The following TBC1D5 variants were observed in gnomAD, a reference collection of about 807,000 sequenced individuals.
The protein encoded by TBC1D5 is TBC1 domain family, member 5.
In TBC1D5, 75 loss-of-function variants were observed where a neutral mutation model predicts 100.3. The ratio of observed to expected loss-of-function variants is 0.75; its 90% CI spans 0.62 to 0.91. The LOEUF (loss-of-function observed/expected upper bound fraction) is 0.91. Ranked by LOEUF, TBC1D5 falls within the 40% of genes least tolerant of loss-of-function variation. The pLI, the probability that TBC1D5 is intolerant of heterozygous loss-of-function variation, is 0.00. For synonymous variants in TBC1D5, 323 were observed against 325.6 expected (o/e 0.99, Z 0.09); for missense variants, 910 against 942.4 (o/e 0.97, Z 0.45).
chr3:17,193,948 T>A (rs918332233), intron 18 of TBC1D5, among the ~76,000 whole-genome samples: 1 of 152,312 alleles, frequency 6.6e-6, no homozygotes, highest in East Asian at 1.9e-4. Flanking sequence ...ATGTAGAAAA[T>A]CTCATTCCTT....
intron 3 of TBC1D5, among the ~76,000 whole-genome samples, chr3:17,470,799 G>A (rs1559959075): frequency 6.6e-6 from 1 of 152,094 alleles, no homozygotes; most frequent in African/African-American, 2.4e-5. Context: ...GCGGGCACCT[G>A]TAGTCCCAGC....
intron 2 of TBC1D5, among the ~76,000 whole-genome samples, chr3:17,512,442 T>A (rs936588656): frequency 1.3e-5 from 2 of 152,106 alleles, no homozygotes; most frequent in African/African-American, 4.8e-5. Context: ...CTTAATTTTC[T>A]CTTATATAGA....
chr3:17,708,103 T>C (rs1053674495), intron 1 of TBC1D5, among the ~76,000 whole-genome samples: 3 of 152,210 alleles, frequency 2.0e-5, no homozygotes, highest in Non-Finnish European at 4.4e-5. Flanking sequence ...TTTACCTCCT[T>C]ACTAGCAACC....
chr3:17,670,941 C>T (rs2153783305), intron 1 of TBC1D5, among the ~76,000 whole-genome samples: 1 of 152,314 alleles, frequency 6.6e-6, no homozygotes, highest in African/African-American at 2.4e-5. Flanking sequence ...AGATATCTAG[C>T]AGGTGCTGCA....
chr3:17,350,025 A>T (rs984078381), intron 13 of TBC1D5, among the ~76,000 whole-genome samples: 6 of 152,154 alleles, frequency 3.9e-5, no homozygotes, highest in African/African-American at 1.4e-4. Context: ...ACTTTTATTT[A>T]TTTACTGCAA....
intron 16 of TBC1D5, among the ~76,000 whole-genome samples, chr3:17,238,957 T>C (rs1186078264): frequency 6.6e-6 from 1 of 152,168 alleles, no homozygotes; most frequent in African/African-American, 2.4e-5. Context: ...TGAAGTAAAT[T>C]CCTAAAAGTT....
At chr3:17,506,493 A>G (rs2095846364) in intron 3 of TBC1D5, among the ~76,000 whole-genome samples, 1 of 152,192 alleles carries the variant, frequency 6.6e-6, no homozygotes, top group African/African-American at 2.4e-5. Flanking sequence ...AAGATTAGCT[A>G]TCGAAAGTTT....
chr3:17,709,168 A>C (rs2074459830), intron 1 of TBC1D5, among the ~76,000 whole-genome samples: 1 of 152,210 alleles, frequency 6.6e-6, no homozygotes, highest in Admixed American at 6.5e-5. Flanking sequence ...CTTTCAAGAG[A>C]ATACAAAGAG....
exon 22 of TBC1D5, chr3:17,161,141 G>A: frequency 1.2e-6 from 2 of 1,614,226 alleles, no homozygotes; most frequent in Non-Finnish European, 1.7e-6. Context: ...GGTGCGAAGA[G>A]GCTGGGCCTG....
intron 17 of TBC1D5, among the ~76,000 whole-genome samples, chr3:17,219,327 T>C (rs1018210783): frequency 1.3e-4 from 20 of 151,898 alleles, no homozygotes; most frequent in Non-Finnish European, 2.2e-4. Flanking sequence ...TTTCATTCCT[T>C]TAGTTCTTTA....
intron 1 of TBC1D5, among the ~76,000 whole-genome samples, chr3:17,633,508 T>C (rs575739932): frequency 1.3e-5 from 2 of 152,262 alleles, no homozygotes; most frequent in East Asian, 3.9e-4. Flanking sequence ...AGGTAAATGT[T>C]CTACTTAGGC....
chr3:17,405,918 T>G (rs17043571), intron 5 of TBC1D5, among the ~76,000 whole-genome samples: 13,880 of 152,086 alleles, frequency 0.091, 1,428 homozygotes, highest in African/African-American at 0.26. Context: ...CTAGTTTTGG[T>G]AATCAGTGGT....
At chr3:17,326,581 T>C (rs1559638906) in intron 13 of TBC1D5, among the ~76,000 whole-genome samples, 1 of 152,212 alleles carries the variant, frequency 6.6e-6, no homozygotes, top group Non-Finnish European at 1.5e-5. Flanking sequence ...GAAGCAATTC[T>C]CCTGCCTTAG....
chr3:17,501,731 A>G (rs955372481), intron 3 of TBC1D5, among the ~76,000 whole-genome samples: 2 of 149,440 alleles, frequency 1.3e-5, no homozygotes, highest in African/African-American at 5.1e-5. Flanking sequence ...TACAGCCCTG[A>G]CAAAAACCCT....
intron 1 of TBC1D5, among the ~76,000 whole-genome samples, chr3:17,692,837 A>C (rs11926072): frequency 0.055 from 8,329 of 152,258 alleles, 698 homozygotes; most frequent in African/African-American, 0.18. Flanking sequence ...AAAAGGATAT[A>C]AACGAATATA....
intron 1 of TBC1D5, chr3:17,644,228 A>G (rs181274245): frequency 1.4e-4 from 21 of 152,268 alleles, no homozygotes; most frequent in African/African-American, 3.6e-4. Context: ...AGGTTTAAAG[A>G]AAGTGGTTTA....
At chr3:17,613,574 C>A (rs960162263) in intron 2 of TBC1D5, among the ~76,000 whole-genome samples, 1 of 152,212 alleles carries the variant, frequency 6.6e-6, no homozygotes, top group Non-Finnish European at 1.5e-5. Context: ...TAATGATCGC[C>A]ATTCTAACTG....
chr3:17,374,102 G>A (rs188076177), intron 12 of TBC1D5, among the ~76,000 whole-genome samples: 1 of 152,126 alleles, frequency 6.6e-6, no homozygotes, highest in East Asian at 1.9e-4. Flanking sequence ...CAATAGCAAC[G>A]CACTGGTAAA....
rs141365480 is a variant in TBC1D5, at chr3:17,388,178, T to C, written c.510-4163A>G. On this transcript the variant is annotated intron_variant, in intron 8 of 21. Coordinates refer to ENST00000253692, the Ensembl canonical transcript of TBC1D5. ...ACTCAACTGATCAGTATTGATAATATAGAAGTTTCTCTCTCAGATGTGTGA... is the reference window on the plus strand; with the variant it reads ...ACTCAACTGATCAGTATTGATAATACAGAAGTTTCTCTCTCAGATGTGTGA... 1.9e-4 allele frequency among the ~76,000 whole-genome samples: 29 copies of C among 152,192 alleles called. No individual in the cohort carries two copies. In the East Asian group the frequency reaches 5.6e-3, roughly 29 times the overall value.
Sources: gnomAD v4.1 joint callset for allele counts (sites outside exome capture counted in the v4.1 genomes callset) on GRCh38, gnomAD v4.1.1 for gene constraint, MANE v1.5 for transcripts, NCBI Gene and HGNC (gene_info 2026-07-23, HGNC 2026-07-21) for gene names.